MYH16: variants seen among roughly 807,000 people sequenced by gnomAD.
MYH16 encodes the protein myosin heavy chain 16.
intron 18 of MYH16, among the ~76,000 whole-genome samples, chr7:99,269,243 C>T (rs1314428645): frequency 6.6e-6 from 1 of 152,062 alleles, no homozygotes; most frequent in East Asian, 1.9e-4. Flanking sequence ...CAGGAGTAAC[C>T]CTGTCTTGAA....
At chr7:99,251,837 G>A (rs1170288839) in intron 6 of MYH16, among the ~76,000 whole-genome samples, 1 of 152,056 alleles carries the variant, frequency 6.6e-6, no homozygotes, top group Non-Finnish European at 1.5e-5. Context: ...GCCGGGCATG[G>A]CCATGCCTGC....
chr7:99,287,533 C>CAAA lies in MYH16; in HGVS notation n.3461-339_3461-337dup, dbSNP rs397889162. Among the ~76,000 whole-genome samples the CAAA allele has an allele frequency of 3.8e-3, 176 of 46,776 alleles. 3 individuals carry two copies. The highest frequency in any genetic ancestry group is 8.0e-3 in the African/African-American group (119 of 14,838). 30.7% of individuals were successfully genotyped at this position (46,776 alleles called of 152,430 possible). A position where few individuals can be genotyped will look rare whatever the true frequency, so the allele number is the denominator to read the frequency against. On this transcript the variant is annotated intron_variant and non_coding_transcript_variant, in intron 28 of 41. Transcript: ENST00000439784. ...GGGCAACAAGAGTGAAACTTCTTCT[C>CAAA]AAAAAAAAAAAAAAAAAAAAAAGGC...
intron 22 of MYH16, 95 bp downstream of exon 4, chr7:99,279,832 C>G: frequency 2.7e-6 from 1 of 374,486 alleles, no homozygotes; most frequent in Non-Finnish European, 5.2e-6. Flanking sequence ...GTGCCCTGAC[C>G]ACTGACCACA....
intron 39 of MYH16, among the ~76,000 whole-genome samples, 173 bp from the exon 21 acceptor site, chr7:99,304,413 G>C (rs1160277535): frequency 1.3e-5 from 2 of 152,162 alleles, no homozygotes; most frequent in Non-Finnish European, 2.9e-5. Flanking sequence ...CGGGGGCAAA[G>C]GGGAGCATAG....
At chr7:99,245,655 G>A (rs1480807664) in intron 2 of MYH16, among the ~76,000 whole-genome samples, 2 of 152,094 alleles carry the variant, frequency 1.3e-5, no homozygotes, top group Non-Finnish European at 2.9e-5. Context: ...AGCCTCCTCA[G>A]AAGCTGGGAT....
intron 11 of MYH16, among the ~76,000 whole-genome samples, chr7:99,259,928 CTG>C (rs1791921432): frequency 6.6e-6 from 1 of 151,564 alleles, no homozygotes; most frequent in Admixed American, 6.6e-5. Context: ...GAACATCATA[CTG>C]TGTGGCCCGA....
intron 33 of MYH16, 67 bp from the exon 15 acceptor site, chr7:99,296,634 G>C (rs560561249): frequency 1.2e-4 from 54 of 442,420 alleles, no homozygotes; most frequent in Non-Finnish European, 1.8e-4. Context: ...AGGTTGGTGG[G>C]GGGGTGGGAG....
In MYH16 at chr7:99,288,644, C is replaced by A. The variant is rs561653706; in HGVS notation, n.3706+507C>A. 9.8e-4 allele frequency among the ~76,000 whole-genome samples: 149 copies of A among 151,786 alleles called. 1 individual carries two copies. Among genetic ancestry groups the A allele is most frequent in the African/African-American group, 3.5e-3 (143 of 41,370 alleles). ...CAGAGGTTGCATTGAGCCGAGATTG[C>A]GCCACTGCACTCCAGCCTGGGCGAC... is the stretch of plus-strand genomic sequence containing the variant. On this transcript the variant is annotated intron_variant and non_coding_transcript_variant, in intron 29 of 41. Coordinates refer to ENST00000439784, the Ensembl canonical transcript of MYH16.
chr7:99,248,937 A>G (rs1230099059), intron 3 of MYH16: 1 of 152,646 alleles, frequency 6.6e-6, no homozygotes. Context: ...TCGAATGCCT[A>G]GTTTCTAAAT....
chr7:99,247,892 T>G (rs1359425966), intron 3 of MYH16: 1 of 152,200 alleles, frequency 6.6e-6, no homozygotes, highest in African/African-American at 2.4e-5. Context: ...CTTTGCTAAA[T>G]TTTGAGCAGC....
At chr7:99,293,575 C>T (rs1057190852) in intron 32 of MYH16, among the ~76,000 whole-genome samples, 1 of 152,158 alleles carries the variant, frequency 6.6e-6, no homozygotes, top group African/African-American at 2.4e-5. Context: ...GACCTTTGCT[C>T]CTGTGTCCCC....
chr7:99,295,007 C>G lies in MYH16; in HGVS notation n.4282+857C>G, dbSNP rs940839400. 9.9e-5 allele frequency among the ~76,000 whole-genome samples: 15 copies of G among 152,282 alleles called. 2 individuals carry two copies. In the South Asian group the frequency reaches 2.7e-3, roughly 27 times the overall value. ...TGAGCTATGACTGCACCACTGCACT[C>G]CAGCCTGGTTGACAGAGTGAGACCC... is the stretch of plus-strand genomic sequence containing the variant. On this transcript the variant is annotated intron_variant and non_coding_transcript_variant, in intron 33 of 41. Transcript: ENST00000439784.
exon 20 of MYH16, chr7:99,273,373 CA>C: frequency 2.2e-6 from 1 of 456,726 alleles, no homozygotes; most frequent in Non-Finnish European, 4.4e-6. Context: ...GCAGAACGTG[CA>C]CAAGTTCCTG....
At chr7:99,280,032 C>A (rs575346693) in intron 22 of MYH16, among the ~76,000 whole-genome samples, 1 of 152,182 alleles carries the variant, frequency 6.6e-6, no homozygotes, top group East Asian at 1.9e-4. Flanking sequence ...ACCACCACAC[C>A]CGGCTAATTT....
chr7:99,303,595 G>T (rs1042798382), intron 39 of MYH16, among the ~76,000 whole-genome samples: 74 of 152,336 alleles, frequency 4.9e-4, no homozygotes, highest in African/African-American at 1.7e-3. Flanking sequence ...GAGGCCATAA[G>T]TTCAAGACCA....
chr7:99,304,397 C>T (rs886278021), intron 39 of MYH16, among the ~76,000 whole-genome samples, 189 bp from the exon 21 acceptor site: 3 of 152,162 alleles, frequency 2.0e-5, no homozygotes, highest in Admixed American at 2.0e-4. Context: ...GCTCCCCCTC[C>T]CCTCTCGGGG....
intron 21 of MYH16, 25 bp downstream of exon 3, chr7:99,277,737 G>A: frequency 2.2e-6 from 1 of 450,116 alleles, no homozygotes; most frequent in Non-Finnish European, 4.5e-6. Context: ...CAGGGAGAAG[G>A]GTGGGAAACC....
chr7:99,287,839 C>T (rs73159509), intron 28 of MYH16, 53 bp from the exon 10 acceptor site: 20,964 of 433,698 alleles, frequency 0.048, 833 homozygotes, highest in African/African-American at 0.15. Flanking sequence ...GGTGTCCACC[C>T]GGAAAAGGCT....
chr7:99,268,791 AT>A (rs1792016747), intron 18 of MYH16, among the ~76,000 whole-genome samples: 1 of 152,178 alleles, frequency 6.6e-6, no homozygotes, highest in African/African-American at 2.4e-5. Flanking sequence ...ATCAAGCCTG[AT>A]TTCTCTACCT....
Sources: allele counts gnomAD v4.1 joint callset (sites outside exome capture counted in the v4.1 genomes callset), GRCh38; gene constraint gnomAD v4.1.1; transcripts MANE v1.5; gene names NCBI Gene and HGNC (gene_info 2026-07-23, HGNC 2026-07-21).